CSMD1: variants seen among roughly 807,000 people sequenced by gnomAD.
CSMD1 encodes the protein CUB and Sushi multiple domains 1.
Under a neutral mutation model 417.5 loss-of-function variants are expected in CSMD1, and 213 were observed. That is an observed-to-expected ratio of 0.51 (90% CI 0.46 to 0.57). The LOEUF (loss-of-function observed/expected upper bound fraction) is 0.57, where lower values mean the gene tolerates loss of function less well. Ranked by LOEUF, CSMD1 falls within the 20% of genes least tolerant of loss-of-function variation. CSMD1 has a pLI of 0.00. For synonymous variants in CSMD1, 2,862 were observed against 1,736.8 expected, an observed-to-expected ratio of 1.65 and a Z score of -16.11; for missense variants, 6,923 against 4,529.7, an observed-to-expected ratio of 1.53 and a Z score of -15.17.
chr8:3,384,435 C>T (rs1255802294), intron 18 of CSMD1, among the ~76,000 whole-genome samples: 1 of 151,442 alleles, frequency 6.6e-6, no homozygotes, highest in East Asian at 1.9e-4. Flanking sequence ...AGATCTGTTA[C>T]TAGAATCCTT....
intron 3 of CSMD1, among the ~76,000 whole-genome samples, chr8:4,310,087 A>G (rs928062124): frequency 6.6e-6 from 1 of 152,146 alleles, no homozygotes; most frequent in African/African-American, 2.4e-5. Flanking sequence ...GTCTGCAATT[A>G]TCACCTCTCA....
chr8:3,661,196 C>G (rs962340526), intron 7 of CSMD1, among the ~76,000 whole-genome samples: 3 of 152,160 alleles, frequency 2.0e-5, no homozygotes, highest in African/African-American at 2.4e-5. Flanking sequence ...AACAGGCAGA[C>G]AAGATTGAGA....
intron 13 of CSMD1, 27 bp downstream of exon 13, chr8:3,409,396 G>C (rs747193106): frequency 1.9e-6 from 3 of 1,580,286 alleles, no homozygotes; most frequent in Admixed American, 1.8e-5. Flanking sequence ...GGACAGGAGG[G>C]AGTCCAGGTC....
chr8:4,353,265 G>A (rs957167732), intron 3 of CSMD1, among the ~76,000 whole-genome samples: 1 of 152,036 alleles, frequency 6.6e-6, no homozygotes, highest in African/African-American at 2.4e-5. Context: ...GTAAGTCTCA[G>A]GAGATCTGAT....
chr8:4,958,507 C>T (rs772152766), intron 1 of CSMD1, among the ~76,000 whole-genome samples: 1 of 152,106 alleles, frequency 6.6e-6, no homozygotes, highest in Admixed American at 6.6e-5. Context: ...TCAAGCACTC[C>T]ATAGTTCAGC....
intron 3 of CSMD1, among the ~76,000 whole-genome samples, chr8:4,098,684 G>C (rs1417066612): frequency 6.6e-6 from 1 of 152,102 alleles, no homozygotes; most frequent in Non-Finnish European, 1.5e-5. Context: ...GGCAAATAAA[G>C]GTTCTCATCT....
chr8:3,576,783 A>T (rs1800168557), intron 9 of CSMD1, among the ~76,000 whole-genome samples: 1 of 152,220 alleles, frequency 6.6e-6, no homozygotes, highest in Non-Finnish European at 1.5e-5. Context: ...AGAGGATCAT[A>T]AACTTTAGAT....
At chr8:3,835,435 G>A (rs1457080706) in intron 5 of CSMD1, among the ~76,000 whole-genome samples, 1 of 151,880 alleles carries the variant, frequency 6.6e-6, no homozygotes, top group Non-Finnish European at 1.5e-5. Context: ...GGATGAAAGT[G>A]GAAACCATCA....
At chr8:4,470,024 T>C (rs917929192) in intron 2 of CSMD1, among the ~76,000 whole-genome samples, 7 of 151,904 alleles carry the variant, frequency 4.6e-5, no homozygotes, top group South Asian at 4.2e-4. Flanking sequence ...CCCGCTAACA[T>C]GCCCGGCTAA....
intron 37 of CSMD1, among the ~76,000 whole-genome samples, chr8:3,171,060 G>C (rs889182988): frequency 4.6e-5 from 7 of 152,174 alleles, no homozygotes; most frequent in African/African-American, 1.4e-4. Flanking sequence ...AAAAGTCAAG[G>C]ACAGAAAGAT....
At chr8:4,899,148 A>G (rs2117035454) in intron 1 of CSMD1, among the ~76,000 whole-genome samples, 1 of 152,318 alleles carries the variant, frequency 6.6e-6, no homozygotes, top group South Asian at 2.1e-4. Flanking sequence ...AGGCAAATTG[A>G]GCTAAAACCT....
chr8:4,165,499 G>C (rs773879272), intron 3 of CSMD1, among the ~76,000 whole-genome samples: 2 of 152,190 alleles, frequency 1.3e-5, no homozygotes, highest in African/African-American at 4.8e-5. Flanking sequence ...AAGTGCCCAA[G>C]CTCAAGTCAT....
chr8:3,346,468 C>T (rs1163267667), intron 22 of CSMD1, among the ~76,000 whole-genome samples: 1 of 152,196 alleles, frequency 6.6e-6, no homozygotes, highest in Non-Finnish European at 1.5e-5. Flanking sequence ...GTGCTAGTTT[C>T]CTGCCTAAAA....
chr8:4,957,382 G>A (rs1809189884), intron 1 of CSMD1, among the ~76,000 whole-genome samples: 1 of 152,172 alleles, frequency 6.6e-6, no homozygotes, highest in Non-Finnish European at 1.5e-5. Flanking sequence ...TGTTCAAAAA[G>A]CAATGAAACA....
At chr8:3,206,484 A>AGG (rs1797282344) in intron 30 of CSMD1, among the ~76,000 whole-genome samples, 2 of 99,870 alleles carry the variant, frequency 2.0e-5, no homozygotes, top group South Asian at 4.0e-4. Context: ...CTGTGCGTGT[A>AGG]TGTGTGTGTG....
intron 1 of CSMD1, among the ~76,000 whole-genome samples, chr8:4,961,631 T>A (rs1339387115): frequency 1.3e-5 from 2 of 152,318 alleles, no homozygotes; most frequent in South Asian, 4.1e-4. Flanking sequence ...AACTTTTGTA[T>A]GAGCTCTATT....
chr8:4,645,022 T>C (rs905448736), intron 1 of CSMD1, among the ~76,000 whole-genome samples: 1 of 152,194 alleles, frequency 6.6e-6, no homozygotes, highest in Non-Finnish European at 1.5e-5. Context: ...TTCTGGTTAG[T>C]GATTACTTAA....
chr8:4,051,449 T>C (rs1798420271), intron 3 of CSMD1, among the ~76,000 whole-genome samples: 1 of 152,006 alleles, frequency 6.6e-6, no homozygotes, highest in East Asian at 1.9e-4. Context: ...TTTGGCAGAA[T>C]TCAAAGCGCC....
chr8:3,670,194 T>C (rs183345336), intron 7 of CSMD1, among the ~76,000 whole-genome samples: 12 of 152,104 alleles, frequency 7.9e-5, no homozygotes, highest in Admixed American at 4.6e-4. Flanking sequence ...ACACTTAATC[T>C]GGGTGGGTAC....
Sources: gnomAD v4.1 joint callset for allele counts (sites outside exome capture counted in the v4.1 genomes callset) on GRCh38, gnomAD v4.1.1 for gene constraint, MANE v1.5 for transcripts, NCBI Gene and HGNC (gene_info 2026-07-23, HGNC 2026-07-21) for gene names.